Variants in NXN observed in about 807,000 individuals in gnomAD.
NXN encodes the protein nucleoredoxin 1.
NXN carries 16 observed loss-of-function variants against 48.6 expected under a neutral mutation model. The ratio of observed to expected loss-of-function variants is 0.33; its 90% CI spans 0.22 to 0.50. The LOEUF (loss-of-function observed/expected upper bound fraction) is 0.50, where lower values mean the gene tolerates loss of function less well. Ranked by LOEUF, NXN falls within the 20% of genes least tolerant of loss-of-function variation. The pLI is 0.98. For missense variants in NXN, 492 were observed against 605.5 expected, an observed-to-expected ratio of 0.81 and a Z score of 1.97; for synonymous variants, 281 against 269.6, an observed-to-expected ratio of 1.04 and a Z score of -0.41.
At chr17:933,668 C>T (rs1211559740) in intron 1 of NXN, among the ~76,000 whole-genome samples, 2 of 151,970 alleles carry the variant, frequency 1.3e-5, no homozygotes, top group Non-Finnish European at 2.9e-5. Context: ...TCTTGGCCTC[C>T]CACTAACTTA....
Position 894,914 on chromosome 17 carries a change from C to T in NXN, c.361-68836G>A, listed in dbSNP as rs377004359. Among the ~76,000 whole-genome samples the T allele has an allele frequency of 7.6e-3, 1,157 of 151,924 alleles. 5 individuals carry two copies. Among genetic ancestry groups the T allele is most frequent in the Non-Finnish European group, 0.012 (833 of 67,976 alleles). ...TGAAACGTGGGCACACCCAGGTCCC[C>T]GCTGGCCGCCTTCATGATTCCCTGA... is the stretch of plus-strand genomic sequence containing the variant. On this transcript the variant is annotated intron_variant, in intron 1 of 7. Transcript: ENST00000336868.
intron 1 of NXN, among the ~76,000 whole-genome samples, chr17:885,029 G>A (rs1042115310): frequency 6.6e-5 from 10 of 152,160 alleles, no homozygotes; most frequent in African/African-American, 2.4e-4. Context: ...AGGGGTAAGA[G>A]GGACATCTAA....
chr17:818,995 G>T, intron 5 of NXN: 1 of 260,392 alleles, frequency 3.8e-6, no homozygotes, highest in Non-Finnish European at 7.5e-6. Context: ...TGCCCAGGTT[G>T]GAGTGCAATA....
At chr17:879,923 G>A (rs1038325402) in intron 1 of NXN, 3 of 152,178 alleles carry the variant, frequency 2.0e-5, no homozygotes, top group African/African-American at 7.2e-5. Flanking sequence ...AAGCCACTGC[G>A]CTGGTCCGAG....
intron 1 of NXN, among the ~76,000 whole-genome samples, chr17:841,703 GGTGA>G (rs1428897209): frequency 7.0e-6 from 1 of 142,488 alleles, no homozygotes; most frequent in Non-Finnish European, 1.5e-5. Context: ...ATCTCACGCC[GGTGA>G]GCAGGTCCAC....
chr17:813,998 T>C (rs567479320), intron 5 of NXN, among the ~76,000 whole-genome samples: 19 of 141,854 alleles, frequency 1.3e-4, no homozygotes, highest in East Asian at 1.3e-3. Flanking sequence ...CGGTGACTCA[T>C]GCCTGTAATC....
intron 1 of NXN, among the ~76,000 whole-genome samples, chr17:921,002 G>A (rs2068745777): frequency 6.6e-6 from 1 of 152,168 alleles, no homozygotes; most frequent in Non-Finnish European, 1.5e-5. Context: ...GATGACAGGT[G>A]TGAGCCACCG....
intron 1 of NXN, among the ~76,000 whole-genome samples, chr17:888,753 G>A (rs1333026819): frequency 4.0e-5 from 6 of 151,376 alleles, no homozygotes; most frequent in African/African-American, 9.7e-5. Flanking sequence ...TCAGGAGTTC[G>A]AGACCAGCCT....
In NXN at chr17:942,346, G is replaced by T. The variant is rs373182654; in HGVS notation, c.360+36973C>A. On this transcript the variant is annotated intron_variant, in intron 1 of 7. Coordinates refer to ENST00000336868, the MANE Select transcript of NXN (RefSeq NM_022463.5). The stretch of plus-strand genomic sequence containing the variant: ...GATTTACAGTGAACAAGATTCCAGG[G>T]TGCAGCCATGAACTCACATCACACC... 4.6e-4 allele frequency among the ~76,000 whole-genome samples: 6 copies of T among 12,978 alleles called. No homozygotes were observed. In the East Asian group the frequency reaches 6.9e-3, roughly 15 times the overall value. 8.5% of individuals were successfully genotyped at this position (12,978 alleles called of 152,430 possible).
Position 864,328 on chromosome 17 carries a change from G to T in NXN, c.361-38250C>A, listed in dbSNP as rs111726114. ...TTCCTTCTCAGGGAATCAAAACCAC[G>T]GTTCTTCAGAGTGTTGATTCTTAAA... is the stretch of plus-strand genomic sequence containing the variant. On this transcript the variant is annotated intron_variant, in intron 1 of 7. Coordinates refer to ENST00000336868, the MANE Select transcript of NXN (RefSeq NM_022463.5). Among the ~76,000 whole-genome samples the T allele has an allele frequency of 4.6e-5, 7 of 152,298 alleles. 1 individual carries two copies. The highest frequency in any genetic ancestry group is 1.4e-4 in the African/African-American group (6 of 41,556).
At chr17:942,269 A>C (rs1373708955) in intron 1 of NXN, among the ~76,000 whole-genome samples, 2 of 122,640 alleles carry the variant, frequency 1.6e-5, no homozygotes, top group African/African-American at 3.3e-5. Flanking sequence ...TCCTGGATTT[A>C]CAGTGAACAA....
At chr17:829,652 T>G (rs763258368) in intron 1 of NXN, among the ~76,000 whole-genome samples, 1 of 152,040 alleles carries the variant, frequency 6.6e-6, no homozygotes, top group Non-Finnish European at 1.5e-5. Flanking sequence ...CCCCAGTGTG[T>G]GATGTTCCCC....
At chr17:814,212 T>A (rs541706536) in intron 5 of NXN, among the ~76,000 whole-genome samples, 1 of 151,972 alleles carries the variant, frequency 6.6e-6, no homozygotes, top group East Asian at 1.9e-4. Flanking sequence ...TGAGCAGAGA[T>A]TGCGCCACTG....
At chr17:938,194 C>T (rs1321203843) in intron 1 of NXN, among the ~76,000 whole-genome samples, 2 of 152,226 alleles carry the variant, frequency 1.3e-5, no homozygotes, top group Non-Finnish European at 1.5e-5. Flanking sequence ...CAAAAGAGGC[C>T]GGAGAGGAAC....
intron 1 of NXN, among the ~76,000 whole-genome samples, chr17:835,798 T>C (rs570568119): frequency 0.029 from 93 of 3,162 alleles, 3 homozygotes; most frequent in East Asian, 0.12. Flanking sequence ...TTCGTCAGCC[T>C]CATAGAGGCC....
chr17:888,509 T>C (rs1340386233), intron 1 of NXN, among the ~76,000 whole-genome samples: 2 of 152,160 alleles, frequency 1.3e-5, no homozygotes, highest in Non-Finnish European at 2.9e-5. Context: ...GCATGAGCCA[T>C]CACACCTGGT....
chr17:882,195 G>A (rs2068291495), intron 1 of NXN, among the ~76,000 whole-genome samples: 1 of 152,192 alleles, frequency 6.6e-6, no homozygotes, highest in Non-Finnish European at 1.5e-5. Context: ...CGTGGGCACA[G>A]GGTGCTGCCT....
At chr17:940,138 G>GT (rs2068954895) in intron 1 of NXN, among the ~76,000 whole-genome samples, 1 of 151,458 alleles carries the variant, frequency 6.6e-6, no homozygotes, top group East Asian at 2.0e-4. Flanking sequence ...CGAGGTGGGG[G>GT]GGTCTCAGTA....
intron 1 of NXN, among the ~76,000 whole-genome samples, chr17:902,906 G>A (rs1463198200): frequency 1.3e-5 from 2 of 151,568 alleles, no homozygotes; most frequent in East Asian, 3.9e-4. Flanking sequence ...AGCTTCCCAG[G>A]TAGCTGGGAT....
Sources: gnomAD v4.1 joint callset for allele counts (sites outside exome capture counted in the v4.1 genomes callset) on GRCh38, gnomAD v4.1.1 for gene constraint, MANE v1.5 for transcripts, NCBI Gene and HGNC (gene_info 2026-07-23, HGNC 2026-07-21) for gene names.